The following MYO1C variants were observed in gnomAD, a reference collection of about 807,000 sequenced individuals.
The protein encoded by MYO1C is myosin IC.
In MYO1C, 104 loss-of-function variants were observed where a neutral mutation model predicts 150.8. The observed-to-expected ratio is 0.69, with a 90% confidence interval of 0.59 to 0.81. MYO1C has a LOEUF of 0.81. MYO1C is among the 30% of genes least tolerant of loss of function. MYO1C has a pLI of 0.00. For synonymous variants in MYO1C, 663 were observed against 579.9 expected, an observed-to-expected ratio of 1.14 and a Z score of -2.06; for missense variants, 1,504 against 1,435.0, an observed-to-expected ratio of 1.05 and a Z score of -0.78.
rs2074423196 is a variant in MYO1C, at chr17:1,477,492, C to T, written c.1574+13G>A. The T allele has an allele frequency of 2.5e-6, 4 of 1,612,858 alleles. No homozygotes were observed. The South Asian group carries it at 4.4e-5, about 18-fold the overall frequency. On this transcript the variant is annotated intron_variant, in intron 14 of 31. Transcript: ENST00000648651. ...TGAGCCCTTGCCCCCAGCAGCCCCG[C>T]AGCCCCACTCACGTCAGGAAGTGTG...
At chr17:1,483,158 C>A in intron 3 of MYO1C, 99 bp from the exon 4 acceptor site, 1 of 1,199,534 alleles carries the variant, frequency 8.3e-7, no homozygotes, top group South Asian at 1.4e-5. Flanking sequence ...TTGTGGGAGT[C>A]GAATACACCC....
chr17:1,488,165 C>T (rs1374158405), intron 1 of MYO1C, among the ~76,000 whole-genome samples: 2 of 152,152 alleles, frequency 1.3e-5, no homozygotes, highest in African/African-American at 4.8e-5. Context: ...CCCCGCCCCT[C>T]CACGTCACGC....
At chr17:1,477,784 C>T in intron 13 of MYO1C, 107 bp downstream of exon 13, 1 of 1,174,348 alleles carries the variant, frequency 8.5e-7, no homozygotes, top group East Asian at 2.3e-5. Context: ...TGTCTCTACT[C>T]AGCCCCAAAC....
Position 1,490,771 on chromosome 17 carries a change from C to T in MYO1C, c.75+1642G>A, listed in dbSNP as rs80108613. ...CCCCCCTGCTGTCCCCAGTTTACCC[C>T]ACTGCTCCTGCATTCCGATGTGCCA... On this transcript the variant is annotated intron_variant, in intron 1 of 31. Coordinates refer to ENST00000648651, the MANE Select transcript of MYO1C (RefSeq NM_001080779.2). 6.4e-4 allele frequency among the ~76,000 whole-genome samples: 97 copies of T among 152,178 alleles called. 2 individuals are homozygous for T. The East Asian group carries it at 0.018, about 28-fold the overall frequency.
At chr17:1,469,833 A>G (rs2074261520) in intron 24 of MYO1C, among the ~76,000 whole-genome samples, 2 of 152,170 alleles carry the variant, frequency 1.3e-5, no homozygotes, top group African/African-American at 2.4e-5. Context: ...TCAGGAGTTC[A>G]AGACCAGCCT....
intron 5 of MYO1C, among the ~76,000 whole-genome samples, chr17:1,482,161 C>T (rs896680648): frequency 1.3e-5 from 2 of 152,132 alleles, no homozygotes; most frequent in African/African-American, 4.8e-5. Flanking sequence ...ATCCTCCTGC[C>T]TCAGCCTCCA....
intron 19 of MYO1C, among the ~76,000 whole-genome samples, chr17:1,471,564 C>A (rs1316920167): frequency 6.6e-6 from 1 of 152,196 alleles, no homozygotes; most frequent in African/African-American, 2.4e-5. Context: ...ACCCCCCAGG[C>A]CCCCGACTCA....
rs200021510 is a variant in MYO1C, at chr17:1,482,571, A to G, written c.547-13T>C. 1.4e-4 allele frequency: 218 copies of G among 1,609,282 alleles called. No individual in the cohort carries two copies. The highest frequency in any genetic ancestry group is 1.7e-4 in the Non-Finnish European group (196 of 1,176,790). On this transcript the variant is annotated splice_polypyrimidine_tract_variant and intron_variant, in intron 4 of 31. Coordinates refer to ENST00000648651, the MANE Select transcript of MYO1C (RefSeq NM_001080779.2). ...CATTTCCAAAGGCCTAGGAGTGGAC[A>G]GGGGTATGAGGGACACCTGGCACTC...
chr17:1,486,160 C>G (rs1364093992), intron 1 of MYO1C: 1 of 152,584 alleles, frequency 6.6e-6, no homozygotes, highest in Middle Eastern at 3.4e-3. Context: ...CCCCCGAACT[C>G]GAGTCCCGGG....
intron 1 of MYO1C, among the ~76,000 whole-genome samples, chr17:1,489,226 G>A (rs1425056866): frequency 2.0e-5 from 3 of 152,226 alleles, no homozygotes; most frequent in Non-Finnish European, 4.4e-5. Context: ...CAGACCTCAG[G>A]GAATTGTTGT....
At position 1,484,133 on chromosome 17, in the gene MYO1C, C is replaced by G. The variant is rs777339781; in HGVS notation, c.231+15G>C. ...TGACCCCAGCACCCCTGCCATCTCC[C>G]CACAAGGGCCTCACGTAGATGAGAT... On this transcript the variant is annotated intron_variant, in intron 2 of 31. Coordinates refer to ENST00000648651, the MANE Select transcript of MYO1C (RefSeq NM_001080779.2). 1 of 1,612,280 alleles carries G rather than the reference C, an allele frequency of 6.2e-7. No individual in the cohort carries two copies. Among genetic ancestry groups the G allele is most frequent in the Non-Finnish European group, 8.5e-7 (1 of 1,180,016 alleles).
intron 1 of MYO1C, 137 bp downstream of exon 1, chr17:1,492,276 C>T: frequency 1.2e-6 from 1 of 828,428 alleles, no homozygotes; most frequent in South Asian, 1.5e-5. Flanking sequence ...CCGTCTTGTT[C>T]AGTCTGTTCT....
rs530618983 is a variant in MYO1C at position 1,488,122 on chromosome 17, G to C, written c.76-3819C>G. ...AGGAGCCAGCGGGGGCGCGGCCAGA[G>C]GACGGGGCGGAGCTTCGCGGCCGCA... is the stretch of plus-strand genomic sequence containing the variant. On this transcript the variant is annotated intron_variant, in intron 1 of 31. Transcript: ENST00000648651. Among the ~76,000 whole-genome samples, 74 of 152,298 alleles carry C rather than the reference G, an allele frequency of 4.9e-4. 4 individuals carry two copies. The South Asian group carries it at 0.014, about 30-fold the overall frequency.
At chr17:1,469,818 C>T (rs1006849718) in intron 24 of MYO1C, among the ~76,000 whole-genome samples, 2 of 147,520 alleles carry the variant, frequency 1.4e-5, no homozygotes, top group South Asian at 2.1e-4. Context: ...GTGGATCACC[C>T]GAGCTCAGGA....
chr17:1,473,056 C>T (rs966248313), intron 17 of MYO1C, among the ~76,000 whole-genome samples: 3 of 152,274 alleles, frequency 2.0e-5, no homozygotes, highest in African/African-American at 4.8e-5. Context: ...AAAAATTAGC[C>T]GGGCACGATG....
rs774990370 is a variant in MYO1C at position 1,478,675 on chromosome 17, C to T, written c.1153G>A (p.Val385Met). 2.4e-5 allele frequency: 38 copies of T among 1,614,088 alleles called. 1 individual carries two copies. The South Asian group carries it at 3.6e-4, about 15-fold the overall frequency. Residue 385 changes from valine (V) to methionine (M), a missense_variant, in exon 10 of 32, where the codon GTG becomes ATG. Coordinates refer to ENST00000648651, the MANE Select transcript of MYO1C (RefSeq NM_001080779.2). The surrounding 1 kb of genome is among the most constrained non-coding windows in gnomAD (Gnocchi z 6.3). The stretch of plus-strand genomic sequence containing the variant: ...AGCCAGGTAAAAGTGCGGCTGTACA[C>T]AGCCTTGGCGAGGGCGTCTCGTGCG... ...AYARDALAKA[V>M]YSRTFTWLVG...
chr17:1,482,955 TTGG>T lies in MYO1C; in HGVS notation c.449_451del (p.Thr150del). On this transcript the variant is annotated inframe_deletion, in exon 4 of 32. Transcript: ENST00000648651. ...CTCTGCATAGAACTGCAGCAGCCTC[TTGG>T]TGGCCTCGGTCTTGCCTGCCCCGCT... is the stretch of plus-strand genomic sequence containing the variant. 2 of 1,609,590 alleles carry T rather than the reference TTGG, an allele frequency of 1.2e-6. No homozygotes were observed. The highest frequency in any genetic ancestry group is 1.7e-6 in the Non-Finnish European group (2 of 1,178,968).
rs1281001348 is a variant in MYO1C at position 1,475,159 on chromosome 17, G to A, written c.1575-127C>T. The A allele has an allele frequency of 2.0e-5, 18 of 900,178 alleles. No individual in the cohort carries two copies. In the East Asian group the frequency reaches 2.6e-4, roughly 13 times the overall value. 55.8% of individuals were successfully genotyped at this position (900,178 alleles called of 1,614,324 possible). A position where few individuals can be genotyped will look rare whatever the true frequency, so the allele number is the denominator to read the frequency against. On this transcript the variant is annotated intron_variant, in intron 14 of 31. Coordinates refer to ENST00000648651, the MANE Select transcript of MYO1C (RefSeq NM_001080779.2). ...CCCCAGGCCGGGCACAGTGGCTCAC[G>A]GCTGTAATCCCAGCAGTTGGGGAGG...
intron 1 of MYO1C, chr17:1,484,692 A>C: frequency 2.5e-6 from 1 of 398,708 alleles, no homozygotes; most frequent in Non-Finnish European, 4.8e-6. Context: ...GAAATAGCAG[A>C]AAGACTGCTC....
Sources: allele counts gnomAD v4.1 joint callset (sites outside exome capture counted in the v4.1 genomes callset), GRCh38; gene constraint gnomAD v4.1.1; non-coding constraint Gnocchi (gnomAD v3.1); transcripts MANE v1.5; gene names NCBI Gene and HGNC (gene_info 2026-07-23, HGNC 2026-07-21).